The following ABCA13 variants were observed in gnomAD, a reference collection of about 807,000 sequenced individuals.
ABCA13 encodes ATP-binding cassette sub-family A member 13.
A neutral mutation model predicts 478.7 loss-of-function variants in ABCA13; 476 were observed. The ratio of observed to expected loss-of-function variants is 0.99; its 90% confidence interval spans 0.92 to 1.07. The LOEUF (loss-of-function observed/expected upper bound fraction) is 1.07, where lower values mean the gene tolerates loss of function less well. Ranked by LOEUF, ABCA13 falls within the 50% of genes least tolerant of loss-of-function variation. ABCA13 has a pLI of 0.00. For synonymous variants in ABCA13, 2,252 were observed against 2,158.9 expected (o/e 1.04, Z -1.20); for missense variants, 6,060 against 5,910.6 (o/e 1.03, Z -0.83).
At chr7:48,464,345 C>A (rs1349375360) in intron 43 of ABCA13, among the ~76,000 whole-genome samples, 1 of 152,170 alleles carries the variant, frequency 6.6e-6, no homozygotes, top group Non-Finnish European at 1.5e-5. Flanking sequence ...TGAGACATAA[C>A]TTTGTTGTAA....
chr7:48,517,373 T>C (rs1254870773), intron 52 of ABCA13, among the ~76,000 whole-genome samples: 1 of 152,182 alleles, frequency 6.6e-6, no homozygotes, highest in Non-Finnish European at 1.5e-5. Flanking sequence ...CTGGGATTTC[T>C]GGAACAAATT....
At chr7:48,422,749 A>G (rs1209858365) in intron 41 of ABCA13, among the ~76,000 whole-genome samples, 1 of 152,234 alleles carries the variant, frequency 6.6e-6, no homozygotes, top group Non-Finnish European at 1.5e-5. Flanking sequence ...AGTGTTACCC[A>G]TATGGGACTG....
intron 3 of ABCA13, among the ~76,000 whole-genome samples, chr7:48,211,014 T>A (rs919900340): frequency 5.3e-5 from 8 of 152,220 alleles, no homozygotes; most frequent in African/African-American, 1.9e-4. Flanking sequence ...TATATATGGA[T>A]GCTCCAGAGT....
intron 50 of ABCA13, 27 bp from the exon 51 acceptor site, chr7:48,511,057 C>G (rs1831636182): frequency 6.4e-7 from 1 of 1,554,530 alleles, no homozygotes; most frequent in South Asian, 1.1e-5. Context: ...TGTAACAGCT[C>G]TCCCTTATTT....
intron 58 of ABCA13, among the ~76,000 whole-genome samples, chr7:48,595,876 G>A (rs775902728): frequency 5.1e-4 from 78 of 152,130 alleles, no homozygotes; most frequent in Non-Finnish European, 7.3e-5. Flanking sequence ...GGCAAGACAC[G>A]TAGGAACACA....
At position 48,239,431 on chromosome 7, in the gene ABCA13, G is replaced by T. The variant is rs750956255; in HGVS notation, c.1062+26G>T. 3 of 1,564,522 alleles carry T rather than the reference G, an allele frequency of 1.9e-6. No homozygotes were observed. In the East Asian group the frequency reaches 6.8e-5, roughly 36 times the overall value. ...GTGCTGTCCCCTCTCTCTATGTTCT[G>T]TTCAAAGGTGTGCCAGTTTGAGTGT... On this transcript the variant is annotated intron_variant, in intron 9 of 61. Transcript: ENST00000435803.
chr7:48,533,745 T>C (rs1357102884), intron 55 of ABCA13, among the ~76,000 whole-genome samples: 2 of 152,168 alleles, frequency 1.3e-5, no homozygotes, highest in Non-Finnish European at 2.9e-5. Context: ...CATTATATAA[T>C]GTCCTTCTTT....
At chr7:48,233,919 T>C (rs1789552239) in intron 7 of ABCA13, 99 bp from the exon 8 acceptor site, 3 of 1,389,434 alleles carry the variant, frequency 2.2e-6, no homozygotes, top group Middle Eastern at 2.0e-4. Flanking sequence ...CATTTGCTCT[T>C]CCTTTAGAGG....
intron 59 of ABCA13, among the ~76,000 whole-genome samples, chr7:48,628,178 G>T (rs185731737): frequency 6.6e-6 from 1 of 152,112 alleles, no homozygotes; most frequent in Non-Finnish European, 1.5e-5. Context: ...CTTCAGAGAG[G>T]TCTCCAGCAT....
chr7:48,390,277 A>G lies in ABCA13; in HGVS notation c.11654+1057A>G, dbSNP rs540278984. On this transcript the variant is annotated intron_variant, in intron 37 of 61. Transcript: ENST00000435803. ...TGTGTTGCTTTTAGTGTACATTTGT[A>G]GTACATTTTGAGTCATCCTAAGTGG... Among the ~76,000 whole-genome samples the G allele has an allele frequency of 3.9e-5, 6 of 152,366 alleles. No individual in the cohort carries two copies. The South Asian group carries it at 8.3e-4, about 21-fold the overall frequency.
chr7:48,387,013 T>C (rs1263113650), intron 35 of ABCA13, among the ~76,000 whole-genome samples: 1 of 152,136 alleles, frequency 6.6e-6, no homozygotes, highest in East Asian at 1.9e-4. Context: ...AGGTAATGGA[T>C]ACATGTGCTC....
chr7:48,446,400 A>G (rs1318685395), intron 42 of ABCA13, among the ~76,000 whole-genome samples: 4 of 151,760 alleles, frequency 2.6e-5, no homozygotes, highest in Non-Finnish European at 1.5e-5. Flanking sequence ...AAAAAAAAAA[A>G]AAAAAGAAAC....
At position 48,295,864 on chromosome 7, in the gene ABCA13, G is replaced by GTACAAGAA. The variant is rs761262068; in HGVS notation, c.9119+3_9119+4insCAAGAATA. 1 of 1,600,946 alleles carries GTACAAGAA rather than the reference G, an allele frequency of 6.2e-7. No individual in the cohort carries two copies. Among genetic ancestry groups the GTACAAGAA allele is most frequent in the Non-Finnish European group, 8.5e-7 (1 of 1,172,676 alleles). ...AGACGGTGCAGCAGCACTTGTACAT[G>GTACAAGAA]TATGCTCTGATATTCTTTCATGCCC... On this transcript the variant is annotated splice_donor_variant, in intron 21 of 61. Coordinates refer to ENST00000435803, the MANE Select transcript of ABCA13 (RefSeq NM_152701.5). LOFTEE classifies it high-confidence loss of function.
intron 35 of ABCA13, among the ~76,000 whole-genome samples, chr7:48,380,349 T>G (rs2129042169): frequency 6.6e-6 from 1 of 152,346 alleles, no homozygotes; most frequent in Middle Eastern, 3.4e-3. Flanking sequence ...GAATGAAGAT[T>G]GATACAGACA....
At chr7:48,524,106 G>A in intron 53 of ABCA13, 142 bp from the exon 54 acceptor site, 1 of 628,204 alleles carries the variant, frequency 1.6e-6, no homozygotes, top group South Asian at 2.6e-5. Flanking sequence ...GGCAGAACTG[G>A]GGTGCTCTGG....
chr7:48,630,624 C>G (rs1586041353), intron 59 of ABCA13, among the ~76,000 whole-genome samples: 2 of 152,140 alleles, frequency 1.3e-5, no homozygotes, highest in African/African-American at 4.8e-5. Flanking sequence ...CATATACATG[C>G]ATGTGTCTTT....
chr7:48,415,051 C>T (rs910196465), intron 41 of ABCA13, among the ~76,000 whole-genome samples: 2 of 152,166 alleles, frequency 1.3e-5, no homozygotes, highest in African/African-American at 4.8e-5. Context: ...AGCCCCTTTT[C>T]CCCAGATTGC....
intron 15 of ABCA13, among the ~76,000 whole-genome samples, chr7:48,250,648 A>G (rs1792410840): frequency 6.6e-6 from 1 of 152,234 alleles, no homozygotes; most frequent in African/African-American, 2.4e-5. Context: ...GCTTCATAAA[A>G]CCAAAAATTC....
intron 58 of ABCA13, 100 bp from the exon 59 acceptor site, chr7:48,615,185 G>T: frequency 1.5e-6 from 1 of 650,106 alleles, no homozygotes; most frequent in Non-Finnish European, 2.3e-6. Context: ...TAAGTAATTT[G>T]CCCTAATGGT....
Sources: gnomAD v4.1 joint callset for allele counts (sites outside exome capture counted in the v4.1 genomes callset) on GRCh38, gnomAD v4.1.1 for gene constraint, MANE v1.5 for transcripts, NCBI Gene and HGNC (gene_info 2026-07-23, HGNC 2026-07-21) for gene names.